AFAP1L1: variants seen among roughly 807,000 people sequenced by gnomAD.
AFAP1L1 encodes actin filament associated protein 1 like 1, also known as actin filament-associated protein 1-like 1.
A neutral mutation model predicts 99.8 loss-of-function variants in AFAP1L1; 77 were observed. The observed-to-expected ratio is 0.77, with a 90% CI of 0.64 to 0.93. The LOEUF (loss-of-function observed/expected upper bound fraction) is 0.93, where lower values mean the gene tolerates loss of function less well. Among genes scored for constraint, AFAP1L1 ranks in the 40% least tolerant of loss-of-function variants. The probability of loss-of-function intolerance (pLI) is 0.00; values close to 1 mark genes in which losing one functional copy is unlikely to be tolerated. For missense variants in AFAP1L1, 893 were observed against 996.8 expected, an observed-to-expected ratio of 0.90 and a Z score of 1.40; for synonymous variants, 373 against 395.3, an observed-to-expected ratio of 0.94 and a Z score of 0.67.
chr5:149,295,146 A>G (rs901657826), intron 1 of AFAP1L1, among the ~76,000 whole-genome samples: 1 of 152,078 alleles, frequency 6.6e-6, no homozygotes, highest in African/African-American at 2.4e-5. Context: ...GGTCGCAGAA[A>G]CCCCACCAGG....
In AFAP1L1 at chr5:149,319,617, G is replaced by T; in HGVS notation, c.1515G>T (p.Gly505=). The T allele has an allele frequency of 6.2e-7, 1 of 1,613,352 alleles. No homozygotes were observed. The change falls in exon 13 of 19, where the codon GGG becomes GGT. Residue 505 remains glycine, a synonymous_variant. Transcript: ENST00000296721. ...CAGAGGACATGGGTCGCTGGCTCGG[G>T]CTGCTGCTGGTGGAGATGGGCTCCA... ...SCSEDMGRWL[G]LLLVEMGSRV...
intron 2 of AFAP1L1, 126 bp from the exon 3 acceptor site, chr5:149,300,145 A>G (rs1416190228): frequency 6.5e-6 from 4 of 619,006 alleles, no homozygotes; most frequent in Middle Eastern, 4.3e-4. Context: ...CAGTGAAATA[A>G]TTTAGGACTT....
rs1311084739 is a variant in AFAP1L1 at position 149,310,115 on chromosome 5, C to G, written c.907C>G (p.Gln303Glu). Residue 303 changes from glutamine (Q) to glutamate (E), a missense_variant, in exon 8 of 19, where the codon CAG becomes GAG. By Grantham distance (29) the Gln-to-Glu change is conservative (BLOSUM62 2). Coordinates refer to ENST00000296721, the MANE Select transcript of AFAP1L1 (RefSeq NM_152406.4). ...VLVLALQSRE[Q>E]AEEWLKVIRE... is the part of the protein sequence containing the mutation. ...GGTGCTGGCACTGCAGAGCCGAGAG[C>G]AGGCCGAGGAGTGGCTGAAGGTGCG... The G allele has an allele frequency of 1.9e-6, 3 of 1,607,376 alleles. No individual in the cohort carries two copies. In the Admixed American group the frequency reaches 5.0e-5, roughly 27 times the overall value.
chr5:149,291,797 A>T (rs1487665154), intron 1 of AFAP1L1, among the ~76,000 whole-genome samples: 1 of 152,222 alleles, frequency 6.6e-6, no homozygotes, highest in Non-Finnish European at 1.5e-5. Context: ...TTTCTCCAGA[A>T]CAGGAGCCTT....
At position 149,332,831 on chromosome 5, in the gene AFAP1L1, G is replaced by A. The variant is rs997990728; in HGVS notation, c.2112G>A (p.Gly704=). ...KERLQQSLAG[G]PALGLSVSSK... Reference sequence around the variant, plus strand: ...GCTTGCAGCAGTCCCTGGCAGGAGGGCCAGCCCTGGGGCTCTCCGTGAGCA... The same window carrying A: ...GCTTGCAGCAGTCCCTGGCAGGAGGACCAGCCCTGGGGCTCTCCGTGAGCA... Residue 704 remains glycine, a synonymous_variant, in exon 17 of 19, where the codon GGG becomes GGA. Coordinates refer to ENST00000296721, the MANE Select transcript of AFAP1L1 (RefSeq NM_152406.4). 5.6e-6 allele frequency: 9 copies of A among 1,610,714 alleles called. No homozygotes were observed. The highest frequency in any genetic ancestry group is 7.6e-6 in the Non-Finnish European group (9 of 1,179,264).
At chr5:149,339,647 G>A (rs1441770333) in intron 18 of AFAP1L1, among the ~76,000 whole-genome samples, 1 of 152,178 alleles carries the variant, frequency 6.6e-6, no homozygotes, top group Non-Finnish European at 1.5e-5. Context: ...TTGGCCCACA[G>A]ACTATCATTT....
intron 11 of AFAP1L1, among the ~76,000 whole-genome samples, chr5:149,316,736 A>G (rs944911636): frequency 7.2e-5 from 11 of 152,266 alleles, no homozygotes; most frequent in African/African-American, 2.7e-4. Flanking sequence ...TTCAATGTGA[A>G]TTAAAGGTGA....
intron 1 of AFAP1L1, among the ~76,000 whole-genome samples, chr5:149,285,071 T>C (rs1755636999): frequency 6.6e-6 from 1 of 152,120 alleles, no homozygotes; most frequent in African/African-American, 2.4e-5. Context: ...ACCCCAATGA[T>C]GGAGGCAGGA....
chr5:149,316,302 T>C lies in AFAP1L1; in HGVS notation c.1266T>C (p.Cys422=). The C allele has an allele frequency of 1.2e-6, 2 of 1,613,608 alleles. No homozygotes were observed. Among genetic ancestry groups the C allele is most frequent in the Non-Finnish European group, 1.7e-6 (2 of 1,179,828 alleles). Residue 422 remains cysteine, a splice_region_variant and synonymous_variant, in exon 11 of 19, where the codon TGT becomes TGC. Coordinates refer to ENST00000296721, the MANE Select transcript of AFAP1L1 (RefSeq NM_152406.4). Reference sequence around the variant, plus strand: ...CCACCGAGGAGGAGGTTCCCTGCTGTGGTGGGTCCAGGGCACGGGGAGGAA... The same window carrying C: ...CCACCGAGGAGGAGGTTCCCTGCTGCGGTGGGTCCAGGGCACGGGGAGGAA... ...TSSTEEEVPC[C]GYLNVLVNQG...
At chr5:149,336,553 G>A (rs948602760) in intron 18 of AFAP1L1, among the ~76,000 whole-genome samples, 2 of 152,174 alleles carry the variant, frequency 1.3e-5, no homozygotes, top group African/African-American at 2.4e-5. Flanking sequence ...TCAGGTTGAC[G>A]GGCCATATCT....
In AFAP1L1 at chr5:149,327,155, A is replaced by G. The variant is rs560934130; in HGVS notation, c.1811-2511A>G. ...ATGTAGAATTTAACAAAGATTTCAA[A>G]GCAGCCATTATAAATATATTTAAAG... On this transcript the variant is annotated intron_variant, in intron 15 of 18. Transcript: ENST00000296721. Among the ~76,000 whole-genome samples the G allele has an allele frequency of 4.9e-4, 68 of 138,464 alleles. 4 individuals are homozygous for G. The highest frequency in any genetic ancestry group is 1.8e-3 in the African/African-American group (66 of 36,184). 90.8% of individuals were successfully genotyped at this position (138,464 alleles called of 152,430 possible). A position where few individuals can be genotyped will look rare whatever the true frequency, so the allele number is the denominator to read the frequency against.
At chr5:149,325,300 C>G (rs980750970) in intron 15 of AFAP1L1, among the ~76,000 whole-genome samples, 3 of 152,192 alleles carry the variant, frequency 2.0e-5, no homozygotes, top group Non-Finnish European at 4.4e-5. Flanking sequence ...CCAGGCATGT[C>G]TGGACAAGAA....
At chr5:149,328,561 C>T (rs1277623236) in intron 15 of AFAP1L1, among the ~76,000 whole-genome samples, 2 of 152,170 alleles carry the variant, frequency 1.3e-5, no homozygotes, top group African/African-American at 4.8e-5. Flanking sequence ...GTAATCCCAG[C>T]ACTTTGGGAG....
intron 4 of AFAP1L1, 46 bp downstream of exon 4, chr5:149,301,276 T>C (rs142045964): frequency 6.4e-7 from 1 of 1,573,548 alleles, no homozygotes; most frequent in African/African-American, 1.3e-5. Context: ...TCTGTCCCTC[T>C]GGAGGAGGCA....
Position 149,320,580 on chromosome 5 carries a change from T to A in AFAP1L1, c.1698+117T>A. ...TCATTTTCATTTAAGCAGCAGTAGC[T>A]AGAAGGGGAGCCCCTTCTTATCATA... On this transcript the variant is annotated intron_variant, in intron 14 of 18. Coordinates refer to ENST00000296721, the MANE Select transcript of AFAP1L1 (RefSeq NM_152406.4). The surrounding 1 kb of genome is among the most constrained non-coding windows in gnomAD (Gnocchi z 4.0). The A allele has an allele frequency of 1.1e-6, 1 of 918,558 alleles. No homozygotes were observed. Among genetic ancestry groups the A allele is most frequent in the Non-Finnish European group, 1.7e-6 (1 of 592,642 alleles). 56.9% of individuals were successfully genotyped at this position (918,558 alleles called of 1,614,324 possible). A position where few individuals can be genotyped will look rare whatever the true frequency, so the allele number is the denominator to read the frequency against.
In AFAP1L1 at chr5:149,340,100, C is replaced by T; in HGVS notation, c.*70C>T. ...ACCTGAGGAAGAAATGCTTTTTTCA[C>T]AAGGAGACACCAAGAGAAGACTAGG... On this transcript the variant is annotated 3_prime_UTR_variant, in exon 19 of 19. Transcript: ENST00000296721. 2 of 1,579,124 alleles carry T rather than the reference C, an allele frequency of 1.3e-6. No homozygotes were observed. Among genetic ancestry groups the T allele is most frequent in the African/African-American group, 1.4e-5 (1 of 74,060 alleles).
At chr5:149,307,711 T>A (rs924532016) in intron 7 of AFAP1L1, 98 bp downstream of exon 7, 3 of 1,289,192 alleles carry the variant, frequency 2.3e-6, no homozygotes, top group Non-Finnish European at 3.2e-6. Context: ...TGGGCATACC[T>A]GGATTGACTG....
chr5:149,290,722 A>AT (rs939753281), intron 1 of AFAP1L1, among the ~76,000 whole-genome samples: 95 of 149,692 alleles, frequency 6.3e-4, no homozygotes, highest in African/African-American at 1.5e-3. Context: ...TTGTTGCCTG[A>AT]TTTTTTTTTT....
chr5:149,272,035 G>C, intron 1 of AFAP1L1, 51 bp downstream of exon 1: 2 of 1,237,872 alleles, frequency 1.6e-6, no homozygotes, highest in South Asian at 4.1e-5. Context: ...GCGGGAAAGG[G>C]AGACTGGACG....
Sources: gnomAD v4.1 joint callset for allele counts (sites outside exome capture counted in the v4.1 genomes callset) on GRCh38, gnomAD v4.1.1 for gene constraint, Gnocchi (gnomAD v3.1) non-coding constraint, MANE v1.5 for transcripts, NCBI Gene and HGNC (gene_info 2026-07-23, HGNC 2026-07-21) for gene names.